The following PRUNE2 variants were observed in gnomAD, a reference collection of about 807,000 sequenced individuals.
The protein encoded by PRUNE2 is prune homolog 2 with BCH domain, also known as protein prune homolog 2.
A neutral mutation model predicts 252.0 loss-of-function variants in PRUNE2; 164 were observed. The ratio of observed to expected loss-of-function variants is 0.65; its 90% CI spans 0.57 to 0.74. The LOEUF (loss-of-function observed/expected upper bound fraction) is 0.74. Among genes scored for constraint, PRUNE2 ranks in the 30% least tolerant of loss-of-function variants. PRUNE2 has a pLI of 0.00. For missense variants in PRUNE2, 3,495 were observed against 3,711.0 expected (o/e 0.94, Z 1.51); for synonymous variants, 1,292 against 1,350.2 (o/e 0.96, Z 0.94).
intron 6 of PRUNE2, among the ~76,000 whole-genome samples, chr9:76,793,611 T>G (rs187059940): frequency 6.6e-6 from 1 of 152,348 alleles, no homozygotes; most frequent in East Asian, 1.9e-4. Context: ...GCAGGAACTC[T>G]GGGCATCATT....
chr9:76,780,080 T>C lies in PRUNE2; in HGVS notation c.756+43552A>G, dbSNP rs150022010. Among the ~76,000 whole-genome samples, 585 of 152,334 alleles carry C rather than the reference T, an allele frequency of 3.8e-3. 6 individuals are homozygous for C. The highest frequency in any genetic ancestry group is 0.012 in the African/African-American group (509 of 41,574). ...TATTTTCTTAAGGATTTGTCTTTGT[T>C]GCCTTTTAATTGAACAAATGCATAA... On this transcript the variant is annotated intron_variant, in intron 6 of 18. Coordinates refer to ENST00000376718, the MANE Select transcript of PRUNE2 (RefSeq NM_015225.3).
intron 7 of PRUNE2, among the ~76,000 whole-genome samples, chr9:76,713,088 T>A (rs190627959): frequency 2.6e-5 from 4 of 152,060 alleles, no homozygotes; most frequent in East Asian, 1.9e-4. Context: ...TTTTTTTTTT[T>A]ATTTCCTAGG....
At chr9:76,683,590 T>C (rs958424624) in intron 9 of PRUNE2, among the ~76,000 whole-genome samples, 7 of 152,172 alleles carry the variant, frequency 4.6e-5, no homozygotes, top group Non-Finnish European at 7.4e-5. Flanking sequence ...GAAGCTTACA[T>C]GTGGTATATT....
intron 9 of PRUNE2, among the ~76,000 whole-genome samples, chr9:76,671,870 C>T (rs2041553131): frequency 6.6e-6 from 1 of 151,734 alleles, no homozygotes; most frequent in African/African-American, 2.4e-5. Flanking sequence ...TTTGTCACCA[C>T]CAGGCCTGCC....
chr9:76,877,296 G>C (rs2061528312), intron 1 of PRUNE2, among the ~76,000 whole-genome samples: 1 of 152,020 alleles, frequency 6.6e-6, no homozygotes. Context: ...TCTAAGCTCA[G>C]GAGTTCGAGA....
intron 11 of PRUNE2, among the ~76,000 whole-genome samples, chr9:76,647,107 T>C (rs1845225105): frequency 6.6e-6 from 1 of 152,114 alleles, no homozygotes; most frequent in African/African-American, 2.4e-5. Flanking sequence ...GCCCAGGAGG[T>C]TGAGGCTGCA....
At chr9:76,759,535 G>A (rs200199401) in intron 6 of PRUNE2, 10 of 152,402 alleles carry the variant, frequency 6.6e-5, no homozygotes, top group Middle Eastern at 3.2e-3. Context: ...TCTGAACATC[G>A]AGAGGACTTT....
At chr9:76,885,723 C>T (rs1185682142) in intron 1 of PRUNE2, among the ~76,000 whole-genome samples, 1 of 152,112 alleles carries the variant, frequency 6.6e-6, no homozygotes, top group South Asian at 2.1e-4. Context: ...CTGACTCCAC[C>T]CCTTCCTGCC....
At chr9:76,857,877 T>C (rs575328380) in intron 1 of PRUNE2, among the ~76,000 whole-genome samples, 3 of 152,212 alleles carry the variant, frequency 2.0e-5, no homozygotes, top group East Asian at 3.9e-4. Context: ...GGCCCATCTA[T>C]AGGGGCTGCA....
At chr9:76,715,508 C>T (rs2047073152) in intron 6 of PRUNE2, among the ~76,000 whole-genome samples, 1 of 152,174 alleles carries the variant, frequency 6.6e-6, no homozygotes, top group Non-Finnish European at 1.5e-5. Context: ...TACGAATCCA[C>T]AAAGGTCTCA....
chr9:76,902,354 C>T lies in PRUNE2; in HGVS notation c.36+3574G>A, dbSNP rs533734887. ...AAATGATGTAACTAAGAACAGAAAG[C>T]ATGGCTAAAACTTAAGGACTGATCT... On this transcript the variant is annotated intron_variant, in intron 1 of 18. Transcript: ENST00000376718. Among the ~76,000 whole-genome samples, 5 of 152,262 alleles carry T rather than the reference C, an allele frequency of 3.3e-5. No individual in the cohort carries two copies. The South Asian group carries it at 6.2e-4, about 19-fold the overall frequency.
Position 76,660,663 on chromosome 9 carries a change from T to C in PRUNE2, c.8277-5161A>G, listed in dbSNP as rs1464481796. Among the ~76,000 whole-genome samples the C allele has an allele frequency of 4.6e-5, 7 of 150,764 alleles. No individual in the cohort carries two copies. The Admixed American group carries it at 4.7e-4, about 10-fold the overall frequency. On this transcript the variant is annotated intron_variant, in intron 9 of 18. Coordinates refer to ENST00000376718, the MANE Select transcript of PRUNE2 (RefSeq NM_015225.3). ...CGGGTGTGGTGGTGCACACCTGTAA[T>C]CCCAGCTACTTGGGAGGCTGAGGCA...
chr9:76,624,331 T>A (rs1833745066), intron 17 of PRUNE2, 121 bp downstream of exon 17: 2 of 562,396 alleles, frequency 3.6e-6, no homozygotes, highest in Non-Finnish European at 5.8e-6. Flanking sequence ...AGAAAGAGAA[T>A]TTCTAAAGTG....
At position 76,887,000 on chromosome 9, in the gene PRUNE2, G is replaced by C. The variant is rs1327580549; in HGVS notation, c.36+18928C>G. On this transcript the variant is annotated intron_variant, in intron 1 of 18. Coordinates refer to ENST00000376718, the MANE Select transcript of PRUNE2 (RefSeq NM_015225.3). Reference sequence around the variant, plus strand: ...ATTATGTGCCAGACATAGTCTAAGAGCTTTACATATGCTGTCTAACTTTAT... The same window carrying C: ...ATTATGTGCCAGACATAGTCTAAGACCTTTACATATGCTGTCTAACTTTAT... Among the ~76,000 whole-genome samples the C allele has an allele frequency of 3.3e-5, 5 of 152,286 alleles. No homozygotes were observed. The South Asian group carries it at 1.0e-3, about 32-fold the overall frequency.
chr9:76,744,981 T>C (rs2049976275), intron 6 of PRUNE2, among the ~76,000 whole-genome samples: 1 of 152,186 alleles, frequency 6.6e-6, no homozygotes, highest in South Asian at 2.1e-4. Flanking sequence ...AGCCCTAGAC[T>C]TTCCCCACCA....
chr9:76,678,349 C>CAAAAAAAAAAAAAAAAAAAAA (rs58096428), intron 9 of PRUNE2, among the ~76,000 whole-genome samples: 1 of 83,116 alleles, frequency 1.2e-5, no homozygotes. Flanking sequence ...GAGACTCCAT[C>CAAAAAAAAAAAAAAAAAAAAA]AAAAAAAAAA....
intron 6 of PRUNE2, among the ~76,000 whole-genome samples, chr9:76,768,174 C>G (rs2130875386): frequency 6.6e-6 from 1 of 151,782 alleles, no homozygotes; most frequent in East Asian, 2.0e-4. Context: ...TGCCCTTGAA[C>G]TAGTACTTCC....
Position 76,703,782 on chromosome 9 carries a change from CAG to C in PRUNE2, c.7829_7830del (p.Ser2610CysfsTer7), listed in dbSNP as rs1202530935. ...TCGCTTTTAGAAGACATTTTCTCTGCAGAGAGACCTTTTCTTTCATTTAAGGA... is the reference window on the plus strand; with the variant it reads ...TCGCTTTTAGAAGACATTTTCTCTGCAGAGACCTTTTCTTTCATTTAAGGA... ...PASLNERKGLSAEKMSSKSDT... is the reference protein window; with the variant it reads ...PASLNERKGLXAEKMSSKSDT... On this transcript the variant is annotated frameshift_variant, in exon 9 of 19. Coordinates refer to ENST00000376718, the MANE Select transcript of PRUNE2 (RefSeq NM_015225.3). LOFTEE classifies it high-confidence loss of function. The C allele has an allele frequency of 1.9e-6, 3 of 1,613,724 alleles. No homozygotes were observed. The highest frequency in any genetic ancestry group is 1.3e-5 in the African/African-American group (1 of 74,908).
At chr9:76,817,353 G>A (rs1195342799) in intron 6 of PRUNE2, among the ~76,000 whole-genome samples, 1 of 152,152 alleles carries the variant, frequency 6.6e-6, no homozygotes, top group Non-Finnish European at 1.5e-5. Context: ...AGATTCCAAT[G>A]TCCTTACCTC....
Sources: allele counts gnomAD v4.1 joint callset (sites outside exome capture counted in the v4.1 genomes callset), GRCh38; gene constraint gnomAD v4.1.1; transcripts MANE v1.5; gene names NCBI Gene and HGNC (gene_info 2026-07-23, HGNC 2026-07-21).